MLLT10: variants seen among roughly 807,000 people sequenced by gnomAD.
MLLT10 encodes the protein protein AF-10.
A neutral mutation model predicts 129.1 loss-of-function variants in MLLT10; 30 were observed. The observed-to-expected ratio is 0.23, with a 90% CI of 0.17 to 0.32. MLLT10 has a LOEUF of 0.32. MLLT10 is among the 10% of genes least tolerant of loss of function. The pLI, the probability that MLLT10 is intolerant of heterozygous loss-of-function variation, is 1.00. For missense variants in MLLT10, 1,119 were observed against 1,268.3 expected, an observed-to-expected ratio of 0.88 and a Z score of 1.79; for synonymous variants, 490 against 446.4, an observed-to-expected ratio of 1.10 and a Z score of -1.23.
intron 5 of MLLT10, among the ~76,000 whole-genome samples, chr10:21,606,655 G>A (rs765177690): frequency 2.0e-5 from 3 of 152,156 alleles, no homozygotes; most frequent in Non-Finnish European, 4.4e-5. Context: ...AATTAGAAGT[G>A]GAGCCTGAAG....
intron 3 of MLLT10, among the ~76,000 whole-genome samples, chr10:21,580,236 G>C (rs2131069324): frequency 6.6e-6 from 1 of 151,296 alleles, no homozygotes; most frequent in South Asian, 2.1e-4. Context: ...ATTTATTATA[G>C]GTTTATCTTC....
chr10:21,542,022 T>A (rs1013428462), intron 3 of MLLT10, among the ~76,000 whole-genome samples: 2 of 152,316 alleles, frequency 1.3e-5, no homozygotes, highest in South Asian at 2.1e-4. Context: ...AATAGGTCAC[T>A]ACGCAGTGGA....
At chr10:21,539,497 G>T (rs899220748) in intron 3 of MLLT10, among the ~76,000 whole-genome samples, 4 of 151,586 alleles carry the variant, frequency 2.6e-5, no homozygotes, top group Non-Finnish European at 5.9e-5. Context: ...GGAGGTGCCG[G>T]GTGCAGTGGT....
intron 8 of MLLT10, among the ~76,000 whole-genome samples, chr10:21,643,487 CA>C (rs1240406321): frequency 1.2e-4 from 19 of 152,260 alleles, no homozygotes; most frequent in African/African-American, 4.3e-4. Context: ...CCAGTAAGTT[CA>C]TTGTTCCTCT....
intron 3 of MLLT10, among the ~76,000 whole-genome samples, chr10:21,547,868 T>A (rs1439042455): frequency 6.6e-6 from 1 of 152,140 alleles, no homozygotes; most frequent in Non-Finnish European, 1.5e-5. Context: ...TCGTGTGTTT[T>A]AAAAAAATAG....
In MLLT10 at chr10:21,577,701, C is replaced by T. The variant is rs566913481; in HGVS notation, c.241-8593C>T. ...GGCTAGGCTAGTCTTGAACTCCTGA[C>T]CTCAGGTTATCCGCCCACATTAGCC... On this transcript the variant is annotated intron_variant, in intron 3 of 22. Coordinates refer to ENST00000307729, the MANE Select transcript of MLLT10 (RefSeq NM_001195626.3). Among the ~76,000 whole-genome samples the T allele has an allele frequency of 1.6e-3, 242 of 152,052 alleles. 1 individual carries two copies. Among genetic ancestry groups the T allele is most frequent in the African/African-American group, 5.4e-3 (225 of 41,486 alleles).
Position 21,713,799 on chromosome 10 carries a change from T to C in MLLT10, c.1727T>C (p.Val576Ala), listed in dbSNP as rs776449003. Residue 576 changes from valine (V) to alanine (A), a missense_variant, in exon 14 of 23, where the codon GTA becomes GCA. Around this residue, in one of 5 missense-constraint regions of MLLT10, gnomAD observed 1,004 missense variants for 1,008.7 expected, o/e 1.00. Coordinates refer to ENST00000307729, the MANE Select transcript of MLLT10 (RefSeq NM_001195626.3). ...NGIYNSNDVA[V>A]SFPNVVSGSG... is the part of the protein sequence containing the mutation. ...ATTTATAACAGCAATGATGTAGCAG[T>C]ATCGTTTCCAAATGTAGTATCTGGC... The C allele has an allele frequency of 5.8e-5, 93 of 1,613,376 alleles. No homozygotes were observed. The highest frequency in any genetic ancestry group is 7.0e-5 in the Non-Finnish European group (83 of 1,179,764).
intron 5 of MLLT10, among the ~76,000 whole-genome samples, chr10:21,605,152 C>T (rs1340069152): frequency 6.6e-6 from 1 of 151,832 alleles, no homozygotes; most frequent in African/African-American, 2.4e-5. Context: ...CCTAGTCTAC[C>T]TTAAACATGC....
At chr10:21,579,476 C>A (rs1489054274) in intron 3 of MLLT10, among the ~76,000 whole-genome samples, 2 of 148,376 alleles carry the variant, frequency 1.3e-5, no homozygotes, top group Non-Finnish European at 3.0e-5. Flanking sequence ...GCATGTGAGA[C>A]CTTTTGGTAC....
chr10:21,741,874 CA>C, intron 22 of MLLT10, 64 bp from the exon 23 acceptor site: 1 of 1,541,422 alleles, frequency 6.5e-7, no homozygotes. Flanking sequence ...GTCACAGTTT[CA>C]AATTCGGAGA....
Position 21,726,270 on chromosome 10 carries a change from C to T in MLLT10, c.1905C>T (p.Leu635=). The stretch of plus-strand genomic sequence containing the variant: ...CAAATACTCTATCTGGATCTTCTCT[C>T]AGTCAGGCACCATCTCATATGTATG... ...TQANTLSGSS[L]SQAPSHMYGN... The change falls in exon 15 of 23, where the codon CTC becomes CTT. Residue 635 remains leucine (L), a synonymous_variant. Transcript: ENST00000307729. 1 of 1,611,652 alleles carries T rather than the reference C, an allele frequency of 6.2e-7. No individual in the cohort carries two copies. The highest frequency in any genetic ancestry group is 8.5e-7 in the Non-Finnish European group (1 of 1,178,338).
chr10:21,549,690 C>T (rs890984764), intron 3 of MLLT10, among the ~76,000 whole-genome samples: 3 of 127,500 alleles, frequency 2.4e-5, no homozygotes, highest in South Asian at 2.5e-4. Context: ...GAGAGAGTGT[C>T]TTGCTCTGTT....
intron 13 of MLLT10, among the ~76,000 whole-genome samples, chr10:21,690,144 A>C (rs1159624305): frequency 6.6e-6 from 1 of 152,096 alleles, no homozygotes; most frequent in African/African-American, 2.4e-5. Context: ...GAAGACAGAA[A>C]GAGGTTGAAT....
chr10:21,536,585 G>GT (rs1423086291), intron 2 of MLLT10, among the ~76,000 whole-genome samples: 1 of 152,176 alleles, frequency 6.6e-6, no homozygotes, highest in Non-Finnish European at 1.5e-5. Context: ...TACAAATTCT[G>GT]TTTTTTTGAG....
At chr10:21,686,017 G>A (rs1279240767) in intron 13 of MLLT10, among the ~76,000 whole-genome samples, 4 of 152,100 alleles carry the variant, frequency 2.6e-5, no homozygotes, top group East Asian at 3.9e-4. Context: ...ACTAGGAGGA[G>A]GATATGCTAG....
At chr10:21,715,435 CAG>C (rs1467567585) in intron 14 of MLLT10, among the ~76,000 whole-genome samples, 2 of 152,102 alleles carry the variant, frequency 1.3e-5, no homozygotes, top group Non-Finnish European at 2.9e-5. Context: ...GTAGCCATAA[CAG>C]GGGTTTGGGG....
At chr10:21,602,855 G>A (rs1047131254) in intron 5 of MLLT10, among the ~76,000 whole-genome samples, 1 of 151,160 alleles carries the variant, frequency 6.6e-6, no homozygotes, top group Non-Finnish European at 1.5e-5. Context: ...TCAGCCTCCC[G>A]AGTAGCTGGG....
intron 9 of MLLT10, among the ~76,000 whole-genome samples, chr10:21,663,549 GTTT>G (rs2050433594): frequency 6.6e-6 from 1 of 151,354 alleles, no homozygotes; most frequent in South Asian, 2.1e-4. Context: ...GCTAATTTTT[GTTT>G]TTGTTCGTTT....
At chr10:21,596,065 A>T (rs1189968256) in intron 5 of MLLT10, among the ~76,000 whole-genome samples, 1 of 152,090 alleles carries the variant, frequency 6.6e-6, no homozygotes, top group African/African-American at 2.4e-5. Flanking sequence ...TCCGTGGAAG[A>T]AATTGCAGCC....
Sources: gnomAD v4.1 joint callset for allele counts (sites outside exome capture counted in the v4.1 genomes callset) on GRCh38, gnomAD v4.1.1 for gene constraint, gnomAD v4.1.1 regional missense constraint, MANE v1.5 for transcripts, NCBI Gene and HGNC (gene_info 2026-07-23, HGNC 2026-07-21) for gene names.